MRPL20: variants seen among roughly 807,000 people sequenced by gnomAD.
The protein encoded by MRPL20 is large ribosomal subunit protein bL20m.
Under a neutral mutation model 20.0 loss-of-function variants are expected in MRPL20, and 21 were observed. The observed-to-expected ratio is 1.05, with a 90% CI of 0.74 to 1.51. The LOEUF (loss-of-function observed/expected upper bound fraction) is 1.51. Among genes scored for constraint, MRPL20 ranks in the 40% most tolerant of loss-of-function variants. The pLI, the probability that MRPL20 is intolerant of heterozygous loss-of-function variation, is 0.00. For missense variants in MRPL20, 252 were observed against 185.6 expected, an observed-to-expected ratio of 1.36 and a Z score of -2.08; for synonymous variants, 104 against 73.0, an observed-to-expected ratio of 1.43 and a Z score of -2.17.
intron 3 of MRPL20, 158 bp from the exon 4 acceptor site, chr1:1,402,414 C>G: frequency 7.2e-7 from 1 of 1,386,306 alleles, no homozygotes; most frequent in Non-Finnish European, 9.3e-7. Context: ...CAGAGGACTT[C>G]CAGGCAGGAT....
rs754015138 is a variant in MRPL20 at position 1,407,158 on chromosome 1, C to T, written c.60G>A (p.Arg20=). 5.2e-5 allele frequency: 84 copies of T among 1,608,266 alleles called. No homozygotes were observed. Among genetic ancestry groups the T allele is most frequent in the Middle Eastern group, 3.3e-4 (2 of 6,062 alleles). The change falls in exon 1 of 4, where the codon CGG becomes CGA. Residue 20 remains arginine, a synonymous_variant. Transcript: ENST00000344843. ...TGGCGTGCTTCAGCACCTCCTGGAT[C>T]CGAAAGTAGCGGTCGGTGACGCGAT... ...LRNRVTDRYF[R]IQEVLKHARH...
rs1378923409 is a variant in MRPL20 at position 1,406,910 on chromosome 1, G to C, written c.197C>G (p.Thr66Ser). The change falls in exon 2 of 4, where the codon ACC becomes AGC. Residue 66 changes from threonine (T) to serine (S), a missense_variant and splice_region_variant. Coordinates refer to ENST00000344843, the MANE Select transcript of MRPL20 (RefSeq NM_017971.4). Reference sequence around the variant, plus strand: ...CGGGTGTCCCGGGTCCACGCTTACGGTCCTCATGTTCTTTTTCTTCAGGTA... The same window carrying C: ...CGGGTGTCCCGGGTCCACGCTTACGCTCCTCATGTTCTTTTTCTTCAGGTA... Reference protein sequence around the residue: ...ARYLKKKNMRTLWINRITAAS... With the variant: ...ARYLKKKNMRSLWINRITAAS... The C allele has an allele frequency of 6.2e-7, 1 of 1,612,136 alleles. No individual in the cohort carries two copies. The highest frequency in any genetic ancestry group is 8.5e-7 in the Non-Finnish European group (1 of 1,178,298).
intron 3 of MRPL20, 59 bp from the exon 4 acceptor site, chr1:1,402,315 G>C (rs377106107): frequency 6.5e-7 from 1 of 1,535,544 alleles, no homozygotes; most frequent in Non-Finnish European, 8.7e-7. Flanking sequence ...CCGGCTCCGC[G>C]TGGTTGCGGC....
At chr1:1,405,919 T>G in intron 2 of MRPL20, 33 bp from the exon 3 acceptor site, 1 of 1,595,104 alleles carries the variant, frequency 6.3e-7, no homozygotes, top group Non-Finnish European at 8.6e-7. Flanking sequence ...TACTTAAAAA[T>G]GACTTCTGGA....
chr1:1,403,866 C>T (rs763778393), intron 3 of MRPL20, among the ~76,000 whole-genome samples: 4 of 149,722 alleles, frequency 2.7e-5, no homozygotes, highest in Non-Finnish European at 5.9e-5. Flanking sequence ...TGTTGAGACA[C>T]AGTCACACAC....
chr1:1,406,855 A>G, intron 2 of MRPL20, 54 bp downstream of exon 2: 3 of 1,497,290 alleles, frequency 2.0e-6, no homozygotes, highest in Non-Finnish European at 2.8e-6. Context: ...CGCGGCGCAG[A>G]AACGCAGGGG....
intron 3 of MRPL20, among the ~76,000 whole-genome samples, chr1:1,404,455 GT>G (rs1453912533): frequency 1.3e-5 from 2 of 150,934 alleles, no homozygotes; most frequent in East Asian, 3.9e-4. Flanking sequence ...CGCCTGGCCT[GT>G]TTAAACTTTC....
At chr1:1,406,734 G>A in intron 2 of MRPL20, 175 bp downstream of exon 2, 1 of 638,226 alleles carries the variant, frequency 1.6e-6, no homozygotes, top group South Asian at 1.7e-5. Flanking sequence ...CGGGGCGGGA[G>A]AACGGATGTC....
intron 3 of MRPL20, among the ~76,000 whole-genome samples, chr1:1,404,129 G>A (rs1042686574): frequency 9.2e-5 from 14 of 151,742 alleles, no homozygotes; most frequent in Non-Finnish European, 1.8e-4. Context: ...ACAAGTGTAA[G>A]CCACCGCACC....
chr1:1,402,047 C>T lies in MRPL20; in HGVS notation c.*36G>A, dbSNP rs764819974. 6 of 1,577,538 alleles carry T rather than the reference C, an allele frequency of 3.8e-6. No individual in the cohort carries two copies. The African/African-American group carries it at 4.1e-5, about 11-fold the overall frequency. On this transcript the variant is annotated 3_prime_UTR_variant, in exon 4 of 4. Transcript: ENST00000344843. ...TATAAATCAAACAAACTGCAAATTA[C>T]TCTGTCTCTTTTCCTAATCAATACA...
At chr1:1,407,060 C>G (rs763646699) in intron 1 of MRPL20, 41 bp from the exon 2 acceptor site, 56 of 1,609,832 alleles carry the variant, frequency 3.5e-5, no homozygotes, top group Middle Eastern at 3.3e-4. Context: ...CAGCGGGGCC[C>G]GCGCCGGCCG....
chr1:1,407,081 C>T (rs762341346), intron 1 of MRPL20, 50 bp downstream of exon 1: 2 of 1,608,626 alleles, frequency 1.2e-6, no homozygotes, highest in African/African-American at 1.3e-5. Flanking sequence ...CCCCTTGGCC[C>T]GCGGGATACC....
At chr1:1,407,102 AG>A (rs762847897) in intron 1 of MRPL20, 28 bp downstream of exon 1, 2 of 1,609,232 alleles carry the variant, frequency 1.2e-6, no homozygotes, top group South Asian at 2.2e-5. Flanking sequence ...CCGGGCGCCC[AG>A]TGCCCAGGCC....
chr1:1,402,564 C>T, intron 3 of MRPL20: 1 of 1,116,410 alleles, frequency 9.0e-7, no homozygotes, highest in Non-Finnish European at 1.1e-6. Flanking sequence ...GAGCTGACTG[C>T]TGGCCTAGGG....
chr1:1,402,290 T>G, intron 3 of MRPL20, 34 bp from the exon 4 acceptor site: 2 of 1,586,704 alleles, frequency 1.3e-6, no homozygotes, highest in Non-Finnish European at 1.7e-6. Context: ...CTGCTGTCAG[T>G]GTGAGACACA....
At position 1,405,872 on chromosome 1, in the gene MRPL20, T is replaced by C; in HGVS notation, c.213A>G (p.Arg71=). Residue 71 remains arginine, a synonymous_variant, in exon 3 of 4, where the codon CGA becomes CGG. Transcript: ENST00000344843. ...KKNMRTLWIN[R]ITAASQEHGL... is the part of the protein sequence containing the mutation. Reference sequence around the variant, plus strand: ...CATGTTCCTGGCTAGCAGCTGTAATTCGATTAATCCAGAGCTGAAATAAGA... The same window carrying C: ...CATGTTCCTGGCTAGCAGCTGTAATCCGATTAATCCAGAGCTGAAATAAGA... 2.5e-6 allele frequency: 4 copies of C among 1,613,574 alleles called. No individual in the cohort carries two copies. The South Asian group carries it at 4.4e-5, about 18-fold the overall frequency.
rs148811979 is a variant in MRPL20 at position 1,403,723 on chromosome 1, C to G, written c.277-1467G>C. On this transcript the variant is annotated intron_variant, in intron 3 of 3. Coordinates refer to ENST00000344843, the MANE Select transcript of MRPL20 (RefSeq NM_017971.4). ...GAGGGACTAGCATAATGACCAGATT[C>G]AGTAATCACCAAGATTTTGCTACAC... Among the ~76,000 whole-genome samples, 4 of 152,216 alleles carry G rather than the reference C, an allele frequency of 2.6e-5. No homozygotes were observed. In the East Asian group the frequency reaches 7.7e-4, roughly 29 times the overall value.
At chr1:1,407,099 C>A in intron 1 of MRPL20, 32 bp downstream of exon 1, 1 of 1,609,238 alleles carries the variant, frequency 6.2e-7, no homozygotes, top group Non-Finnish European at 8.5e-7. Context: ...ACCCCGGGCG[C>A]CCAGTGCCCA....
intron 2 of MRPL20, 81 bp from the exon 3 acceptor site, chr1:1,405,967 A>G (rs1438198476): frequency 6.7e-5 from 103 of 1,528,848 alleles, no homozygotes; most frequent in Admixed American, 1.0e-4. Context: ...GATCTAAAGA[A>G]TATTTTTCTA....
Sources: gnomAD v4.1 joint callset for allele counts (sites outside exome capture counted in the v4.1 genomes callset) on GRCh38, gnomAD v4.1.1 for gene constraint, MANE v1.5 for transcripts, NCBI Gene and HGNC (gene_info 2026-07-23, HGNC 2026-07-21) for gene names.